CEP128: variants seen among roughly 807,000 people sequenced by gnomAD.
The protein encoded by CEP128 is centrosomal protein 128.
A neutral mutation model predicts 156.7 loss-of-function variants in CEP128; 132 were observed. That is an observed-to-expected ratio of 0.84 (90% CI 0.73 to 0.97). The LOEUF (loss-of-function observed/expected upper bound fraction) is 0.97. CEP128 is among the 50% of genes least tolerant of loss of function. The pLI is 0.00. For missense variants in CEP128, 1,252 were observed against 1,281.9 expected (o/e 0.98, Z 0.36); for synonymous variants, 469 against 448.9 (o/e 1.04, Z -0.57).
rs1887535120 is a variant in CEP128 at position 80,497,379 on chromosome 14, C to T, written c.*100G>A. Reference sequence around the variant, plus strand: ...TGGCAATACCAAAGAGCCAAAGCTGCAGGTATGTCTGTTAGATAATCTGGG... The same window carrying T: ...TGGCAATACCAAAGAGCCAAAGCTGTAGGTATGTCTGTTAGATAATCTGGG... On this transcript the variant is annotated 3_prime_UTR_variant, in exon 25 of 25. Coordinates refer to ENST00000555265, the MANE Select transcript of CEP128 (RefSeq NM_152446.5). The T allele has an allele frequency of 1.4e-6, 1 of 730,282 alleles. No individual in the cohort carries two copies. Among genetic ancestry groups the T allele is most frequent in the Admixed American group, 2.6e-5 (1 of 37,768 alleles). 45.2% of individuals were successfully genotyped at this position (730,282 alleles called of 1,614,324 possible).
chr14:80,630,735 T>G (rs963607100), intron 19 of CEP128, among the ~76,000 whole-genome samples: 1 of 152,040 alleles, frequency 6.6e-6, no homozygotes, highest in African/African-American at 2.4e-5. Flanking sequence ...TTTTATAGTG[T>G]AAGGACTGAC....
chr14:80,701,183 GA>G (rs1243130404), intron 19 of CEP128, among the ~76,000 whole-genome samples: 1 of 152,156 alleles, frequency 6.6e-6, no homozygotes, highest in Non-Finnish European at 1.5e-5. Flanking sequence ...CAGGAAGGAA[GA>G]AGACTCAAGA....
chr14:80,560,936 C>T (rs1390878687), intron 20 of CEP128, among the ~76,000 whole-genome samples: 1 of 152,092 alleles, frequency 6.6e-6, no homozygotes, highest in Non-Finnish European at 1.5e-5. Flanking sequence ...TCTAAGAGAA[C>T]CCTGACTAAT....
upstream of CEP128, chr14:80,941,767 A>ACC (rs886558244): frequency 6.6e-6 from 1 of 152,552 alleles, no homozygotes; most frequent in Non-Finnish European, 1.5e-5. Flanking sequence ...AGAGTACAGG[A>ACC]CCCCGCTGCC....
chr14:80,826,952 A>G (rs1885516452), intron 13 of CEP128, among the ~76,000 whole-genome samples: 1 of 152,202 alleles, frequency 6.6e-6, no homozygotes. Flanking sequence ...AAGAAGGGAA[A>G]AGTGTACTTA....
At chr14:80,633,751 G>A (rs931487279) in intron 19 of CEP128, among the ~76,000 whole-genome samples, 1 of 152,072 alleles carries the variant, frequency 6.6e-6, no homozygotes, top group Admixed American at 6.6e-5. Context: ...CTCATTGTCT[G>A]GTTCAAACCA....
chr14:80,624,101 T>C (rs1893606342), intron 19 of CEP128, among the ~76,000 whole-genome samples: 5 of 152,144 alleles, frequency 3.3e-5, no homozygotes, highest in African/African-American at 1.2e-4. Flanking sequence ...TCACAGTACC[T>C]CATAACCACT....
At chr14:80,889,961 G>C (rs1241888359) in intron 8 of CEP128, among the ~76,000 whole-genome samples, 1 of 152,028 alleles carries the variant, frequency 6.6e-6, no homozygotes, top group African/African-American at 2.4e-5. Flanking sequence ...CAAAAAACTG[G>C]GCAAAGGATA....
At chr14:80,815,784 GA>G (rs1178858455) in intron 13 of CEP128, among the ~76,000 whole-genome samples, 1 of 152,220 alleles carries the variant, frequency 6.6e-6, no homozygotes, top group African/African-American at 2.4e-5. Flanking sequence ...CAACAACATG[GA>G]TGAGACTGGG....
At chr14:80,743,349 A>G in intron 18 of CEP128, 82 bp from the exon 19 acceptor site, 1 of 1,150,892 alleles carries the variant, frequency 8.7e-7, no homozygotes, top group Non-Finnish European at 1.2e-6. Flanking sequence ...AAAATAAGTA[A>G]CATAATTTGA....
upstream of CEP128, among the ~76,000 whole-genome samples, chr14:80,941,964 T>G (rs886461768): frequency 7.9e-5 from 12 of 151,840 alleles, no homozygotes; most frequent in Non-Finnish European, 1.8e-4. Context: ...TTTTTTTTTG[T>G]TAAAGGACCA....
chr14:80,730,113 G>A (rs1034479713), intron 19 of CEP128, among the ~76,000 whole-genome samples: 2 of 152,118 alleles, frequency 1.3e-5, no homozygotes, highest in Admixed American at 6.6e-5. Flanking sequence ...ATTTCAATAT[G>A]AGCTTACAAT....
intron 19 of CEP128, among the ~76,000 whole-genome samples, chr14:80,604,573 C>A (rs753129234): frequency 3.3e-5 from 5 of 152,072 alleles, no homozygotes; most frequent in African/African-American, 1.2e-4. Flanking sequence ...CAATATATAA[C>A]ATTATTCGAA....
In CEP128 at chr14:80,530,680, G is replaced by A. The variant is rs567419821; in HGVS notation, c.2958+129C>T. On this transcript the variant is annotated intron_variant, in intron 22 of 24. Coordinates refer to ENST00000555265, the MANE Select transcript of CEP128 (RefSeq NM_152446.5). ...AAATGTCAATAAACCCTGATAAGGT[G>A]GTATGTTAAAAGTTCCCAATGTTTT... is the stretch of plus-strand genomic sequence containing the variant. The A allele has an allele frequency of 7.9e-6, 4 of 505,646 alleles. No individual in the cohort carries two copies. In the South Asian group the frequency reaches 1.6e-4, roughly 20 times the overall value. The allele number at this position is 505,646 out of a possible 1,614,324, so 31.3% of individuals were successfully genotyped here.
intron 5 of CEP128, chr14:80,905,636 A>T (rs1247567375): frequency 1.1e-5 from 2 of 177,434 alleles, no homozygotes; most frequent in Non-Finnish European, 1.9e-5. Flanking sequence ...CTAGGACAGG[A>T]TACCTAACCT....
intron 19 of CEP128, among the ~76,000 whole-genome samples, chr14:80,639,300 A>T (rs1894314997): frequency 6.6e-6 from 1 of 152,178 alleles, no homozygotes; most frequent in South Asian, 2.1e-4. Context: ...AGACAAAACA[A>T]TTTTATGCAA....
At chr14:80,886,517 T>C (rs1363423777) in intron 8 of CEP128, among the ~76,000 whole-genome samples, 1 of 152,194 alleles carries the variant, frequency 6.6e-6, no homozygotes. Flanking sequence ...GAATTTCATA[T>C]CCAGCCAAAC....
In CEP128 at chr14:80,514,080, A is replaced by G. The variant is rs192995791; in HGVS notation, c.3073-9060T>C. ...ATCTTTACCTGAATATTTCCTTTCTATTGATCCCAAGTCTTTAGATAAACT... is the reference window on the plus strand; with the variant it reads ...ATCTTTACCTGAATATTTCCTTTCTGTTGATCCCAAGTCTTTAGATAAACT... On this transcript the variant is annotated intron_variant, in intron 23 of 24. Transcript: ENST00000555265. 5.5e-4 allele frequency among the ~76,000 whole-genome samples: 84 copies of G among 152,336 alleles called. 1 individual carries two copies. The highest frequency in any genetic ancestry group is 1.9e-3 in the African/African-American group (78 of 41,576).
At chr14:80,796,009 C>G (rs1282728575) in intron 13 of CEP128, among the ~76,000 whole-genome samples, 1 of 152,124 alleles carries the variant, frequency 6.6e-6, no homozygotes, top group Non-Finnish European at 1.5e-5. Context: ...CTCAATCCTA[C>G]ATTATCTTCT....
Sources: gnomAD v4.1 joint callset for allele counts (sites outside exome capture counted in the v4.1 genomes callset) on GRCh38, gnomAD v4.1.1 for gene constraint, MANE v1.5 for transcripts, NCBI Gene and HGNC (gene_info 2026-07-23, HGNC 2026-07-21) for gene names.